ATP2C2: variants seen among roughly 807,000 people sequenced by gnomAD.
The protein encoded by ATP2C2 is ATPase secretory pathway Ca2+ transporting 2.
In ATP2C2, 171 loss-of-function variants were observed where a neutral mutation model predicts 110.8. That is an observed-to-expected ratio of 1.54 (90% confidence interval 1.36 to 1.75). The LOEUF (loss-of-function observed/expected upper bound fraction) is 1.75. ATP2C2 is among the 40% of genes most tolerant of loss of function. ATP2C2 has a pLI of 0.00. For synonymous variants in ATP2C2, 804 were observed against 508.4 expected (o/e 1.58, Z -7.82); for missense variants, 1,963 against 1,235.0 (o/e 1.59, Z -8.84).
chr16:84,371,873 G>T (rs1220748736), intron 1 of ATP2C2, among the ~76,000 whole-genome samples: 1 of 152,170 alleles, frequency 6.6e-6, no homozygotes, highest in Non-Finnish European at 1.5e-5. Flanking sequence ...CTGGAGTTGG[G>T]GCTGATAAGG....
At chr16:84,377,705 G>C (rs188261834) in intron 1 of ATP2C2, among the ~76,000 whole-genome samples, 1 of 152,092 alleles carries the variant, frequency 6.6e-6, no homozygotes, top group African/African-American at 2.4e-5. Flanking sequence ...TATGGGGTGT[G>C]GGGTTTAGGG....
intron 17 of ATP2C2, among the ~76,000 whole-genome samples, chr16:84,451,424 C>T (rs1014367552): frequency 6.6e-6 from 1 of 152,238 alleles, no homozygotes; most frequent in Admixed American, 6.5e-5. Context: ...CCTTCTCCAT[C>T]TGTTGTGCAC....
chr16:84,409,241 T>C (rs191852026), intron 4 of ATP2C2, among the ~76,000 whole-genome samples: 2 of 151,788 alleles, frequency 1.3e-5, no homozygotes, highest in East Asian at 3.9e-4. Flanking sequence ...TAGGTGGGAG[T>C]TGAACAATGA....
chr16:84,420,029 GT>G (rs1293373611), intron 7 of ATP2C2, among the ~76,000 whole-genome samples: 1 of 152,154 alleles, frequency 6.6e-6, no homozygotes, highest in Non-Finnish European at 1.5e-5. Context: ...AGCCTGATAA[GT>G]TTTCGCTTTC....
chr16:84,447,134 C>A (rs956971445), intron 16 of ATP2C2, among the ~76,000 whole-genome samples: 3 of 152,108 alleles, frequency 2.0e-5, no homozygotes, highest in African/African-American at 7.2e-5. Context: ...CTACCGTTTT[C>A]TCCACCCCTC....
chr16:84,408,289 AC>A lies in ATP2C2; in HGVS notation c.328-114del. On this transcript the variant is annotated intron_variant, in intron 3 of 26. Coordinates refer to ENST00000262429, the MANE Select transcript of ATP2C2 (RefSeq NM_014861.4). ...CCAGCCCTCGGTCACCATGGTGTTG[AC>A]CTGGAAGCCTGGCCCTGAACTGAGA... is the stretch of plus-strand genomic sequence containing the variant. The A allele has an allele frequency of 3.1e-6, 3 of 954,462 alleles. 1 individual carries two copies. In the South Asian group the frequency reaches 4.3e-5, roughly 14 times the overall value. 59.1% of individuals were successfully genotyped at this position (954,462 alleles called of 1,614,324 possible). A position where few individuals can be genotyped will look rare whatever the true frequency, so the allele number is the denominator to read the frequency against.
intron 15 of ATP2C2, among the ~76,000 whole-genome samples, chr16:84,444,346 AC>A (rs1909554548): frequency 6.8e-6 from 1 of 147,028 alleles, no homozygotes; most frequent in Non-Finnish European, 1.5e-5. Context: ...GGTGGTGCAC[AC>A]CTGTAATCCC....
intron 1 of ATP2C2, among the ~76,000 whole-genome samples, chr16:84,398,203 A>G (rs1310037075): frequency 6.6e-6 from 1 of 152,062 alleles, no homozygotes; most frequent in Non-Finnish European, 1.5e-5. Flanking sequence ...GGAGTTTGAG[A>G]CCAACCTGGC....
Position 84,406,648 on chromosome 16 carries a change from G to C in ATP2C2, c.327+1404G>C. The C allele has an allele frequency of 3.0e-6, 3 of 985,434 alleles. No homozygotes were observed. The South Asian group carries it at 1.4e-4, about 46-fold the overall frequency. The allele number at this position is 985,434 out of a possible 1,614,324, so 61.0% of individuals were successfully genotyped here. A position where few individuals can be genotyped will look rare whatever the true frequency, so the allele number is the denominator to read the frequency against. ...CGTTTTGGCAGCAAAATAGGCTTCT[G>C]GGTATGTAGGTGGTTCTGGCTAGCC... On this transcript the variant is annotated intron_variant, in intron 3 of 26. Transcript: ENST00000262429.
chr16:84,373,773 A>G (rs960829387), intron 1 of ATP2C2, among the ~76,000 whole-genome samples: 39 of 152,284 alleles, frequency 2.6e-4, no homozygotes, highest in African/African-American at 8.9e-4. Context: ...CACATCTGAC[A>G]TGTCATCTGC....
intron 1 of ATP2C2, among the ~76,000 whole-genome samples, chr16:84,390,189 C>T (rs542158757): frequency 2.0e-5 from 3 of 152,238 alleles, no homozygotes; most frequent in African/African-American, 4.8e-5. Flanking sequence ...TAGGGTCTAA[C>T]GCAGTCCAAG....
intron 25 of ATP2C2, 24 bp from the exon 26 acceptor site, chr16:84,461,964 C>T: frequency 6.2e-7 from 1 of 1,611,172 alleles, no homozygotes; most frequent in Non-Finnish European, 8.5e-7. Context: ...GCACACAATC[C>T]CCCGTGTGAC....
intron 11 of ATP2C2, among the ~76,000 whole-genome samples, chr16:84,429,535 A>G (rs1908081695): frequency 6.6e-6 from 1 of 152,182 alleles, no homozygotes; most frequent in Admixed American, 6.5e-5. Flanking sequence ...TATCACTTTC[A>G]TTGAATCCCT....
chr16:84,390,464 G>A (rs902540862), intron 1 of ATP2C2, among the ~76,000 whole-genome samples: 3 of 152,212 alleles, frequency 2.0e-5, no homozygotes, highest in Admixed American at 6.5e-5. Flanking sequence ...CTTGGGGCTA[G>A]GGAGGCTGCG....
intron 11 of ATP2C2, among the ~76,000 whole-genome samples, chr16:84,430,270 G>C (rs1367473725): frequency 6.6e-6 from 1 of 152,178 alleles, no homozygotes; most frequent in Non-Finnish European, 1.5e-5. Context: ...AGGACAAGGA[G>C]GCCTGAGCCA....
chr16:84,391,113 CAAAAAAAAAAA>C (rs567509863), intron 1 of ATP2C2, among the ~76,000 whole-genome samples: 1 of 73,288 alleles, frequency 1.4e-5, no homozygotes, highest in Admixed American at 1.7e-4. Context: ...GACTCAGACT[CAAAAAAAAAAA>C]AAAAAAAAAA....
intron 1 of ATP2C2, among the ~76,000 whole-genome samples, chr16:84,395,144 G>T (rs1227897237): frequency 1.3e-5 from 2 of 152,130 alleles, no homozygotes; most frequent in African/African-American, 4.8e-5. Flanking sequence ...TGGTTACAGA[G>T]CTGGGAGTGT....
In ATP2C2 at chr16:84,425,721, T is replaced by C. The variant is rs1225296988; in HGVS notation, c.920-14T>C. 2 of 1,613,700 alleles carry C rather than the reference T, an allele frequency of 1.2e-6. No individual in the cohort carries two copies. Among genetic ancestry groups the C allele is most frequent in the Admixed American group, 1.7e-5 (1 of 60,016 alleles). On this transcript the variant is annotated splice_polypyrimidine_tract_variant and intron_variant, in intron 10 of 26. Transcript: ENST00000262429. ...GTGCATATGGAGATAAGGATGTTTTTGTCTCTTCCCCAGGTCTCATCATGC... is the reference window on the plus strand; with the variant it reads ...GTGCATATGGAGATAAGGATGTTTTCGTCTCTTCCCCAGGTCTCATCATGC...
chr16:84,444,096 G>T (rs1347069983), intron 15 of ATP2C2, among the ~76,000 whole-genome samples: 2 of 144,628 alleles, frequency 1.4e-5, no homozygotes, highest in African/African-American at 5.2e-5. Flanking sequence ...GAGCCCAGGA[G>T]TCTGAGGCTG....
Sources: gnomAD v4.1 joint callset for allele counts (sites outside exome capture counted in the v4.1 genomes callset) on GRCh38, gnomAD v4.1.1 for gene constraint, MANE v1.5 for transcripts, NCBI Gene and HGNC (gene_info 2026-07-23, HGNC 2026-07-21) for gene names.